Variants in LRP2 observed in about 807,000 individuals in gnomAD.
LRP2 encodes the protein low-density lipoprotein receptor-related protein 2.
LRP2 carries 172 observed loss-of-function variants against 531.0 expected under a neutral mutation model. The ratio of observed to expected loss-of-function variants is 0.32; its 90% CI spans 0.29 to 0.37. The LOEUF (loss-of-function observed/expected upper bound fraction) is 0.37, where lower values mean the gene tolerates loss of function less well. Ranked by LOEUF, LRP2 falls within the 10% of genes least tolerant of loss-of-function variation. LRP2 has a pLI of 1.00. For synonymous variants in LRP2, 1,992 were observed against 2,027.6 expected, an observed-to-expected ratio of 0.98 and a Z score of 0.47; for missense variants, 5,167 against 5,868.3, an observed-to-expected ratio of 0.88 and a Z score of 3.90.
rs12104494 is a variant in LRP2, at chr2:169,191,385, G to A, written c.9032+447C>T. 9.2e-3 allele frequency among the ~76,000 whole-genome samples: 1,396 copies of A among 152,220 alleles called. 21 individuals carry two copies. The highest frequency in any genetic ancestry group is 0.032 in the African/African-American group (1,322 of 41,518). The stretch of plus-strand genomic sequence containing the variant: ...CTCTACTCCAAGTGGAAAACTAAGC[G>A]GGTCACCAGCTTCAAGAAAGAATTC... On this transcript the variant is annotated intron_variant, in intron 48 of 78. Coordinates refer to ENST00000649046, the MANE Select transcript of LRP2 (RefSeq NM_004525.3).
Position 169,204,217 on chromosome 2 carries a change from A to G in LRP2, c.7770T>C (p.Asn2590=), listed in dbSNP as rs1175596633. The change falls in exon 42 of 79, where the codon AAT becomes AAC. Residue 2590 remains asparagine, a synonymous_variant. Coordinates refer to ENST00000649046, the MANE Select transcript of LRP2 (RefSeq NM_004525.3). ...TCAAGCCAAAAGCATGAACGGCTGC[A>G]TTGACAATGACTTCACGATCCACGC... ...LTGVDREVIV[N]AAVHAFGLTL... The G allele has an allele frequency of 6.2e-7, 1 of 1,614,172 alleles. No individual in the cohort carries two copies. The highest frequency in any genetic ancestry group is 2.2e-5 in the East Asian group (1 of 44,884).
chr2:169,359,522 A>G (rs959755189), intron 1 of LRP2, among the ~76,000 whole-genome samples: 1 of 152,196 alleles, frequency 6.6e-6, no homozygotes, highest in Non-Finnish European at 1.5e-5. Flanking sequence ...GCTTAAATAA[A>G]GGCTGTTACA....
intron 1 of LRP2, among the ~76,000 whole-genome samples, chr2:169,356,274 C>T (rs111759603): frequency 0.024 from 3,722 of 152,278 alleles, 52 homozygotes; most frequent in Middle Eastern, 0.034. Flanking sequence ...CATAACAGTA[C>T]TGAATAACAT....
intron 16 of LRP2, among the ~76,000 whole-genome samples, chr2:169,260,920 A>AT (rs1189215215): frequency 1.1e-4 from 17 of 152,008 alleles, no homozygotes; most frequent in Non-Finnish European, 2.2e-4. Flanking sequence ...GTATGCTGTC[A>AT]TGGAAGAAAG....
At chr2:169,273,271 C>T (rs928558243) in intron 14 of LRP2, among the ~76,000 whole-genome samples, 1 of 152,062 alleles carries the variant, frequency 6.6e-6, no homozygotes, top group African/African-American at 2.4e-5. Context: ...CTCTCCCATC[C>T]ACTCTCCAAC....
intron 24 of LRP2, among the ~76,000 whole-genome samples, chr2:169,242,199 T>C (rs1689831946): frequency 1.3e-5 from 2 of 152,202 alleles, no homozygotes; most frequent in East Asian, 3.8e-4. Context: ...TTTTTTGGTC[T>C]AAAACACCAT....
intron 16 of LRP2, among the ~76,000 whole-genome samples, chr2:169,266,269 T>A (rs551360393): frequency 6.6e-6 from 1 of 151,716 alleles, no homozygotes; most frequent in East Asian, 1.9e-4. Context: ...TCAAAAATGA[T>A]AAATCAAGAA....
intron 16 of LRP2, among the ~76,000 whole-genome samples, chr2:169,266,251 A>G (rs1425248378): frequency 2.6e-5 from 4 of 151,992 alleles, no homozygotes; most frequent in African/African-American, 4.8e-5. Flanking sequence ...AGAACAAGGA[A>G]GTAAATATCA....
intron 1 of LRP2, among the ~76,000 whole-genome samples, chr2:169,341,876 G>A (rs1017807822): frequency 6.6e-6 from 1 of 152,104 alleles, no homozygotes; most frequent in East Asian, 1.9e-4. Context: ...ATTACCAATA[G>A]CATCCCTTTC....
At chr2:169,338,134 G>C (rs189948220) in intron 1 of LRP2, among the ~76,000 whole-genome samples, 125 of 150,480 alleles carry the variant, frequency 8.3e-4, no homozygotes, top group African/African-American at 3.0e-3. Flanking sequence ...AAGAAATGGG[G>C]GGAAGTAGGG....
intron 1 of LRP2, among the ~76,000 whole-genome samples, chr2:169,339,786 G>A (rs1170569162): frequency 1.3e-5 from 2 of 152,080 alleles, no homozygotes; most frequent in East Asian, 1.9e-4. Flanking sequence ...TTTGAAAAAC[G>A]CCAAGCATGG....
At chr2:169,194,328 C>A (rs1341646773) in intron 46 of LRP2, among the ~76,000 whole-genome samples, 2 of 152,172 alleles carry the variant, frequency 1.3e-5, no homozygotes, top group Admixed American at 6.5e-5. Flanking sequence ...CTTAGCACCA[C>A]CTTTCAACAT....
At chr2:169,247,103 A>C in intron 20 of LRP2, 117 bp from the exon 21 acceptor site, 1 of 1,231,490 alleles carries the variant, frequency 8.1e-7, no homozygotes, top group Non-Finnish European at 1.1e-6. Flanking sequence ...CAATACTAAA[A>C]AGTAGCTTCC....
chr2:169,352,822 G>GGGGGAACATCACACACAGAGA (rs1559088554), intron 1 of LRP2, among the ~76,000 whole-genome samples: 4 of 151,750 alleles, frequency 2.6e-5, no homozygotes, highest in African/African-American at 9.7e-5. Flanking sequence ...GGTCACAGGG[G>GGGGGAACATCACACACAGAGA]GGGGAACATC....
intron 30 of LRP2, among the ~76,000 whole-genome samples, chr2:169,233,103 T>A (rs1041434895): frequency 1.3e-5 from 2 of 152,134 alleles, no homozygotes; most frequent in Admixed American, 1.3e-4. Flanking sequence ...GAAGGCACTA[T>A]CTGGTCTGTA....
At chr2:169,288,386 G>C (rs1340218419) in intron 9 of LRP2, among the ~76,000 whole-genome samples, 1 of 152,170 alleles carries the variant, frequency 6.6e-6, no homozygotes, top group African/African-American at 2.4e-5. Context: ...TTGGTGTACT[G>C]GTGTCTAGTT....
chr2:169,159,854 G>C (rs577238005), intron 63 of LRP2, among the ~76,000 whole-genome samples: 17 of 152,160 alleles, frequency 1.1e-4, no homozygotes. Context: ...AGGGATTAGG[G>C]GTCCCAGGAG....
chr2:169,171,185 T>C (rs2105277310), intron 58 of LRP2, among the ~76,000 whole-genome samples: 1 of 152,322 alleles, frequency 6.6e-6, no homozygotes, highest in South Asian at 2.1e-4. Flanking sequence ...AGTTTTTAGC[T>C]AACTGATATT....
intron 4 of LRP2, among the ~76,000 whole-genome samples, chr2:169,305,888 G>A (rs879631724): frequency 2.6e-5 from 4 of 151,934 alleles, no homozygotes; most frequent in Non-Finnish European, 4.4e-5. Flanking sequence ...TATTTAGCAC[G>A]GGAACATGGT....
Sources: allele counts gnomAD v4.1 joint callset (sites outside exome capture counted in the v4.1 genomes callset), GRCh38; gene constraint gnomAD v4.1.1; transcripts MANE v1.5; gene names NCBI Gene and HGNC (gene_info 2026-07-23, HGNC 2026-07-21).